Variants in SUGCT observed in about 807,000 individuals in gnomAD.
SUGCT encodes succinyl-CoA:glutarate-CoA transferase, also known as succinyl-CoA:glutarate CoA-transferase.
Under a neutral mutation model 55.0 loss-of-function variants are expected in SUGCT, and 41 were observed. The ratio of observed to expected loss-of-function variants is 0.74; its 90% CI spans 0.58 to 0.97. The LOEUF is 0.97. Among genes scored for constraint, SUGCT ranks in the 50% least tolerant of loss-of-function variants. The pLI is 0.00. For missense variants in SUGCT, 568 were observed against 547.8 expected, an observed-to-expected ratio of 1.04 and a Z score of -0.37; for synonymous variants, 187 against 200.4, an observed-to-expected ratio of 0.93 and a Z score of 0.56.
At chr7:40,953,916 G>T in the SUGCT span, among the ~76,000 whole-genome samples, 1 of 152,224 alleles carries the variant, frequency 6.6e-6, no homozygotes, top group South Asian at 2.1e-4. Flanking sequence ...CACTTGAGGA[G>T]GCAGTCTGTC....
At chr7:40,575,335 A>AAAC (rs573461460) in intron 12 of SUGCT, among the ~76,000 whole-genome samples, 52 of 152,144 alleles carry the variant, frequency 3.4e-4, no homozygotes, top group Admixed American at 1.8e-3. Flanking sequence ...GTTATTTAAA[A>AAAC]AACAACAACA....
At chr7:40,790,828 A>G (rs1790273862) in intron 13 of SUGCT, among the ~76,000 whole-genome samples, 1 of 152,222 alleles carries the variant, frequency 6.6e-6, no homozygotes, top group African/African-American at 2.4e-5. Flanking sequence ...GTCTGTAGAC[A>G]CTGACTGGTG....
intron 12 of SUGCT, among the ~76,000 whole-genome samples, chr7:40,646,170 A>G (rs1044378922): frequency 3.3e-5 from 5 of 152,146 alleles, no homozygotes; most frequent in Non-Finnish European, 5.9e-5. Context: ...CCCACATATA[A>G]TATAACTCTA....
At chr7:40,441,350 T>C (rs1198719028) in intron 9 of SUGCT, among the ~76,000 whole-genome samples, 1 of 152,124 alleles carries the variant, frequency 6.6e-6, no homozygotes, top group Non-Finnish European at 1.5e-5. Context: ...TGGGGTAAGG[T>C]TGGCTTTTTA....
At chr7:40,898,063 T>C in the SUGCT span, among the ~76,000 whole-genome samples, 1 of 152,156 alleles carries the variant, frequency 6.6e-6, no homozygotes, top group Non-Finnish European at 1.5e-5. Flanking sequence ...TGCTTATTCC[T>C]TGGGTCCACG....
At chr7:40,894,788 A>G in the SUGCT span, among the ~76,000 whole-genome samples, 2 of 152,210 alleles carry the variant, frequency 1.3e-5, no homozygotes, top group East Asian at 1.9e-4. Flanking sequence ...CAGAATGGCT[A>G]TTATTAAAAA....
the SUGCT span, among the ~76,000 whole-genome samples, chr7:40,945,903 T>C: frequency 6.6e-6 from 1 of 152,128 alleles, no homozygotes; most frequent in South Asian, 2.1e-4. Flanking sequence ...TGTCCTCTAG[T>C]CTCCCAGGAG....
the SUGCT span, among the ~76,000 whole-genome samples, chr7:40,937,786 G>T: frequency 1.3e-5 from 2 of 151,802 alleles, no homozygotes; most frequent in Admixed American, 6.6e-5. Flanking sequence ...GCCTATTTTT[G>T]TCTTGAATCT....
intron 11 of SUGCT, among the ~76,000 whole-genome samples, chr7:40,462,150 A>C (rs371649779): frequency 6.6e-6 from 1 of 152,198 alleles, no homozygotes; most frequent in East Asian, 1.9e-4. Flanking sequence ...GTTAAGTGTG[A>C]AGCTGGGTTT....
chr7:40,868,170 G>A, the SUGCT span, among the ~76,000 whole-genome samples: 1 of 152,030 alleles, frequency 6.6e-6, no homozygotes, highest in Non-Finnish European at 1.5e-5. Context: ...TTGACACTGA[G>A]CTAGTCTTTT....
intron 6 of SUGCT, among the ~76,000 whole-genome samples, chr7:40,201,421 C>A (rs1786598887): frequency 6.6e-6 from 1 of 152,036 alleles, no homozygotes; most frequent in African/African-American, 2.4e-5. Flanking sequence ...TTAAAGGGAA[C>A]CCTCATAGTC....
At chr7:40,215,718 T>C (rs914269529) in intron 6 of SUGCT, among the ~76,000 whole-genome samples, 4 of 151,694 alleles carry the variant, frequency 2.6e-5, no homozygotes, top group Admixed American at 1.3e-4. Flanking sequence ...AAAAATTAGC[T>C]GGGCGAGGTG....
chr7:40,553,447 C>T (rs1240144105), intron 12 of SUGCT, among the ~76,000 whole-genome samples: 1 of 152,178 alleles, frequency 6.6e-6, no homozygotes, highest in East Asian at 1.9e-4. Flanking sequence ...AATGCCATTG[C>T]ACTTGCATGT....
In SUGCT at chr7:40,209,004, A is replaced by G. The variant is rs73687519; in HGVS notation, c.484+13944A>G. ...TTTTATCCTCAAAATTCTATTCCAT[A>G]CACATCTTCAGATTCTTACTGCTAT... On this transcript the variant is annotated intron_variant, in intron 6 of 13. Coordinates refer to ENST00000335693, the MANE Select transcript of SUGCT (RefSeq NM_001193313.2). 5.7e-3 allele frequency among the ~76,000 whole-genome samples: 861 copies of G among 152,304 alleles called. 6 individuals are homozygous for G. The highest frequency in any genetic ancestry group is 0.019 in the African/African-American group (800 of 41,560).
chr7:40,770,257 A>G (rs544988847), intron 13 of SUGCT, among the ~76,000 whole-genome samples: 16 of 152,158 alleles, frequency 1.1e-4, no homozygotes, highest in Non-Finnish European at 1.6e-4. Flanking sequence ...ATCTTTAGCT[A>G]TAACAGAAAC....
At chr7:40,931,836 G>T in the SUGCT span, among the ~76,000 whole-genome samples, 1 of 152,022 alleles carries the variant, frequency 6.6e-6, no homozygotes, top group Non-Finnish European at 1.5e-5. Flanking sequence ...AGTCTTGCTA[G>T]CAGTCTATCA....
chr7:40,861,445 A>G (rs1193502072), downstream of SUGCT, among the ~76,000 whole-genome samples: 1 of 152,204 alleles, frequency 6.6e-6, no homozygotes, highest in Non-Finnish European at 1.5e-5. Context: ...AGAAATGATT[A>G]GGACGTATGT....
intron 1 of SUGCT, among the ~76,000 whole-genome samples, chr7:40,162,715 A>G (rs767579179): frequency 2.0e-5 from 3 of 152,174 alleles, no homozygotes; most frequent in South Asian, 2.1e-4. Context: ...CTCAAACTCC[A>G]GGGCTCAAGT....
At chr7:40,336,790 G>A (rs2151164500) in intron 9 of SUGCT, among the ~76,000 whole-genome samples, 2 of 152,186 alleles carry the variant, frequency 1.3e-5, no homozygotes, top group Admixed American at 1.3e-4. Context: ...CCTTCTGCTA[G>A]CTTTTGAATG....
Sources: allele counts gnomAD v4.1 joint callset (sites outside exome capture counted in the v4.1 genomes callset), GRCh38; gene constraint gnomAD v4.1.1; transcripts MANE v1.5; gene names NCBI Gene and HGNC (gene_info 2026-07-23, HGNC 2026-07-21).